GPC6: variants seen among roughly 807,000 people sequenced by gnomAD.
The protein encoded by GPC6 is glypican-6.
GPC6 carries 14 observed loss-of-function variants against 55.2 expected under a neutral mutation model. That is an observed-to-expected ratio of 0.25 (90% CI 0.17 to 0.40). GPC6 has a LOEUF of 0.40. Ranked by LOEUF, GPC6 falls within the 10% of genes least tolerant of loss-of-function variation. The pLI is 1.00. For synonymous variants in GPC6, 278 were observed against 259.6 expected (o/e 1.07, Z -0.68); for missense variants, 641 against 708.5 (o/e 0.90, Z 1.08).
intron 4 of GPC6, among the ~76,000 whole-genome samples, chr13:94,116,925 C>CTTA (rs1035604573): frequency 1.3e-5 from 2 of 151,828 alleles, no homozygotes; most frequent in East Asian, 1.9e-4. Context: ...GAGTTGATCT[C>CTTA]TTATTATTAT....
At chr13:93,590,931 A>G (rs1877434466) in intron 2 of GPC6, among the ~76,000 whole-genome samples, 1 of 152,130 alleles carries the variant, frequency 6.6e-6, no homozygotes, top group Non-Finnish European at 1.5e-5. Context: ...GCACATGTAT[A>G]CATATGTAAC....
intron 4 of GPC6, among the ~76,000 whole-genome samples, chr13:94,271,617 G>T (rs1423380079): frequency 1.3e-5 from 2 of 152,032 alleles, no homozygotes; most frequent in African/African-American, 4.8e-5. Context: ...CTACTTCATT[G>T]TAGTGTTGGG....
chr13:93,955,839 C>T (rs1879485339), intron 3 of GPC6, among the ~76,000 whole-genome samples: 1 of 152,056 alleles, frequency 6.6e-6, no homozygotes, highest in South Asian at 2.1e-4. Context: ...ATGTTTTTAC[C>T]TTCTATCTTC....
chr13:94,073,447 T>A (rs866453719), intron 4 of GPC6, among the ~76,000 whole-genome samples: 1 of 152,190 alleles, frequency 6.6e-6, no homozygotes, highest in Non-Finnish European at 1.5e-5. Context: ...AATATAAAAA[T>A]TTTTAAGGGG....
At chr13:93,913,323 GCA>G (rs1877108270) in intron 3 of GPC6, among the ~76,000 whole-genome samples, 1 of 152,152 alleles carries the variant, frequency 6.6e-6, no homozygotes, top group African/African-American at 2.4e-5. Flanking sequence ...CACTCCCTTT[GCA>G]CAGAGGCCTT....
chr13:94,099,754 A>G (rs1045355246), intron 4 of GPC6, among the ~76,000 whole-genome samples: 14 of 152,202 alleles, frequency 9.2e-5, no homozygotes, highest in Admixed American at 2.6e-4. Context: ...AGAACAAACC[A>G]TTTTGCTTTT....
intron 1 of GPC6, among the ~76,000 whole-genome samples, chr13:93,298,739 C>T (rs542023877): frequency 1.3e-5 from 2 of 152,086 alleles, no homozygotes; most frequent in South Asian, 4.2e-4. Context: ...TGAGTCACCT[C>T]GCCCCATGGG....
At chr13:93,539,598 A>G (rs1043249007) in intron 1 of GPC6, among the ~76,000 whole-genome samples, 5 of 152,202 alleles carry the variant, frequency 3.3e-5, no homozygotes, top group African/African-American at 1.2e-4. Context: ...AGGCATTTCA[A>G]TAAGTCTTGC....
At chr13:93,742,189 T>C (rs1884229562) in intron 2 of GPC6, among the ~76,000 whole-genome samples, 1 of 152,210 alleles carries the variant, frequency 6.6e-6, no homozygotes, top group African/African-American at 2.4e-5. Context: ...ACTGAAAATT[T>C]AGAATGAACA....
At chr13:93,549,989 T>A (rs1458720143) in intron 2 of GPC6, among the ~76,000 whole-genome samples, 1 of 152,094 alleles carries the variant, frequency 6.6e-6, no homozygotes, top group African/African-American at 2.4e-5. Flanking sequence ...TGTTGAAAAA[T>A]TATTGATATT....
At chr13:93,620,060 T>C (rs1878883955) in intron 2 of GPC6, among the ~76,000 whole-genome samples, 2 of 151,158 alleles carry the variant, frequency 1.3e-5, no homozygotes, top group African/African-American at 4.9e-5. Flanking sequence ...CATGTAATTC[T>C]GAAGGACTTT....
At chr13:94,158,698 G>A (rs773440870) in intron 4 of GPC6, among the ~76,000 whole-genome samples, 1 of 151,854 alleles carries the variant, frequency 6.6e-6, no homozygotes, top group Non-Finnish European at 1.5e-5. Flanking sequence ...TCTGTAAGTG[G>A]TAAAATTTTA....
intron 2 of GPC6, among the ~76,000 whole-genome samples, chr13:93,812,856 G>C (rs1172416460): frequency 6.6e-6 from 1 of 152,090 alleles, no homozygotes; most frequent in Non-Finnish European, 1.5e-5. Flanking sequence ...ATTATTATTT[G>C]CATTTTAGAG....
At chr13:93,360,008 C>A (rs943652202) in intron 1 of GPC6, among the ~76,000 whole-genome samples, 2 of 152,084 alleles carry the variant, frequency 1.3e-5, no homozygotes, top group Non-Finnish European at 2.9e-5. Flanking sequence ...TACCCTAAGT[C>A]ATTGGGAGAA....
At chr13:93,478,488 AC>A (rs1321574810) in intron 1 of GPC6, among the ~76,000 whole-genome samples, 4 of 152,332 alleles carry the variant, frequency 2.6e-5, no homozygotes, top group African/African-American at 9.6e-5. Flanking sequence ...GGCATAATTT[AC>A]CAGAAAAAAA....
intron 1 of GPC6, among the ~76,000 whole-genome samples, chr13:93,309,903 A>G (rs1227241903): frequency 6.6e-6 from 1 of 152,194 alleles, no homozygotes; most frequent in Non-Finnish European, 1.5e-5. Flanking sequence ...TGTTAAGAGC[A>G]TCTACTTGTA....
intron 2 of GPC6, among the ~76,000 whole-genome samples, chr13:93,650,659 A>G (rs1299223530): frequency 6.6e-6 from 1 of 152,204 alleles, no homozygotes; most frequent in African/African-American, 2.4e-5. Context: ...ATTTTCCATG[A>G]CTGTCAATAG....
rs572704301 is a variant in GPC6, at chr13:93,889,437, T to C, written c.711+58892T>C. Among the ~76,000 whole-genome samples, 17 of 152,258 alleles carry C rather than the reference T, an allele frequency of 1.1e-4. No individual in the cohort carries two copies. The South Asian group carries it at 3.3e-3, about 30-fold the overall frequency. ...CGTTTATAGTACTCAGCAAATGCAA[T>C]CTAATAACCATATTATTCACCAGTT... On this transcript the variant is annotated intron_variant, in intron 3 of 8. Coordinates refer to ENST00000377047, the MANE Select transcript of GPC6 (RefSeq NM_005708.5).
chr13:93,675,113 C>G (rs113503154), intron 2 of GPC6, among the ~76,000 whole-genome samples: 2,023 of 152,174 alleles, frequency 0.013, 20 homozygotes, highest in Middle Eastern at 0.024. Context: ...GAGTCAAGTA[C>G]AGCTTTGAAC....
Sources: allele counts gnomAD v4.1 joint callset (sites outside exome capture counted in the v4.1 genomes callset), GRCh38; gene constraint gnomAD v4.1.1; transcripts MANE v1.5; gene names NCBI Gene and HGNC (gene_info 2026-07-23, HGNC 2026-07-21).